HS3ST5: variants seen among roughly 807,000 people sequenced by gnomAD.
HS3ST5 encodes the protein heparan sulfate-glucosamine 3-sulfotransferase 5.
HS3ST5 carries 10 observed loss-of-function variants against 25.4 expected under a neutral mutation model. The ratio of observed to expected loss-of-function variants is 0.39; its 90% CI spans 0.24 to 0.67. The LOEUF is 0.67. HS3ST5 is among the 30% of genes least tolerant of loss of function. The pLI, the probability that HS3ST5 is intolerant of heterozygous loss-of-function variation, is 0.44. For missense variants in HS3ST5, 324 were observed against 420.7 expected, an observed-to-expected ratio of 0.77 and a Z score of 2.01; for synonymous variants, 170 against 162.4, an observed-to-expected ratio of 1.05 and a Z score of -0.36.
intron 2 of HS3ST5, among the ~76,000 whole-genome samples, chr6:114,215,493 C>T (rs1438929725): frequency 6.6e-6 from 1 of 152,114 alleles, no homozygotes; most frequent in African/African-American, 2.4e-5. Flanking sequence ...TATCCCCCTG[C>T]TGCCTGGATT....
chr6:114,279,150 A>T (rs13202175), intron 1 of HS3ST5, among the ~76,000 whole-genome samples: 53,773 of 151,576 alleles, frequency 0.35, 9,465 homozygotes, highest in East Asian at 0.4. Flanking sequence ...CGTATTTTTT[A>T]AAAAAAATCA....
chr6:114,335,128 G>A (rs1776555939), intron 1 of HS3ST5, among the ~76,000 whole-genome samples: 1 of 152,128 alleles, frequency 6.6e-6, no homozygotes, highest in African/African-American at 2.4e-5. Context: ...GATGGTGTGG[G>A]TGAGGATCAT....
At chr6:114,166,013 T>C (rs1182843394) in intron 3 of HS3ST5, among the ~76,000 whole-genome samples, 1 of 151,970 alleles carries the variant, frequency 6.6e-6, no homozygotes, top group Admixed American at 6.6e-5. Context: ...AGACCCCATC[T>C]CTAAAAAACT....
intron 3 of HS3ST5, among the ~76,000 whole-genome samples, chr6:114,113,091 T>C (rs1776345056): frequency 6.6e-6 from 1 of 152,162 alleles, no homozygotes; most frequent in Non-Finnish European, 1.5e-5. Context: ...AAGGCACTGG[T>C]AATTCCTGTT....
At chr6:114,214,468 T>C (rs902524780) in intron 2 of HS3ST5, among the ~76,000 whole-genome samples, 1 of 152,230 alleles carries the variant, frequency 6.6e-6, no homozygotes, top group African/African-American at 2.4e-5. Context: ...TATAATAGCC[T>C]TACATTTGGA....
intron 3 of HS3ST5, 37 bp from the exon 4 acceptor site, chr6:114,062,914 A>G (rs1449280364): frequency 1.6e-6 from 2 of 1,254,372 alleles, no homozygotes; most frequent in Non-Finnish European, 1.2e-6. Context: ...CATCTCTTAG[A>G]GGCTCTGTTG....
intron 3 of HS3ST5, among the ~76,000 whole-genome samples, chr6:114,106,342 C>CT (rs1775990422): frequency 6.6e-6 from 1 of 151,982 alleles, no homozygotes; most frequent in Non-Finnish European, 1.5e-5. Flanking sequence ...TTAAGAAATA[C>CT]TATTAACAAA....
intron 3 of HS3ST5, among the ~76,000 whole-genome samples, chr6:114,099,932 T>C (rs1217413142): frequency 6.6e-6 from 1 of 152,116 alleles, no homozygotes; most frequent in Non-Finnish European, 1.5e-5. Context: ...ATGAATAAGG[T>C]ACAGCTCAGG....
chr6:114,177,944 G>A (rs571519572), intron 2 of HS3ST5, among the ~76,000 whole-genome samples: 11 of 152,272 alleles, frequency 7.2e-5, no homozygotes, highest in Admixed American at 5.2e-4. Context: ...ATTCAAAACT[G>A]TGTTTAAACA....
At position 114,316,762 on chromosome 6, in the gene HS3ST5, C is replaced by T. The variant is rs75952872; in HGVS notation, c.-339+25433G>A. Among the ~76,000 whole-genome samples the T allele has an allele frequency of 8.4e-3, 1,278 of 152,238 alleles. 8 individuals carry two copies. The highest frequency in any genetic ancestry group is 0.013 in the Non-Finnish European group (901 of 68,004). ...TAGATGAACAAGTCAATTGAATCAACAGCACAAATTATTTTAAAGATTTTA... is the reference window on the plus strand; with the variant it reads ...TAGATGAACAAGTCAATTGAATCAATAGCACAAATTATTTTAAAGATTTTA... On this transcript the variant is annotated intron_variant, in intron 1 of 4. Transcript: ENST00000312719.
intron 3 of HS3ST5, among the ~76,000 whole-genome samples, chr6:114,067,539 T>C (rs1773526275): frequency 6.6e-6 from 1 of 152,146 alleles, no homozygotes; most frequent in Non-Finnish European, 1.5e-5. Context: ...TAAACCCAGT[T>C]ATTACTATAG....
intron 1 of HS3ST5, among the ~76,000 whole-genome samples, chr6:114,271,965 A>G (rs761652137): frequency 1.3e-5 from 2 of 152,136 alleles, no homozygotes; most frequent in African/African-American, 2.4e-5. Flanking sequence ...ATATTAGCAA[A>G]GCAGAAAAAT....
chr6:114,249,446 T>C (rs984984031), intron 1 of HS3ST5, among the ~76,000 whole-genome samples: 2 of 152,198 alleles, frequency 1.3e-5, no homozygotes, highest in African/African-American at 2.4e-5. Context: ...TACATAACTA[T>C]CATTCTACAC....
intron 4 of HS3ST5, among the ~76,000 whole-genome samples, chr6:114,060,292 G>A (rs558025193): frequency 5.9e-5 from 9 of 151,846 alleles, no homozygotes; most frequent in African/African-American, 9.7e-5. Flanking sequence ...GATTACAGGC[G>A]TGAGCTACTG....
intron 3 of HS3ST5, among the ~76,000 whole-genome samples, chr6:114,113,612 G>A (rs2114854824): frequency 6.6e-6 from 1 of 151,918 alleles, no homozygotes; most frequent in African/African-American, 2.4e-5. Context: ...CAAGCCTAAA[G>A]TTGATCTATT....
chr6:114,120,227 T>C (rs1421949851), intron 3 of HS3ST5, among the ~76,000 whole-genome samples: 2 of 152,114 alleles, frequency 1.3e-5, no homozygotes, highest in African/African-American at 4.8e-5. Flanking sequence ...CAGTAGCATT[T>C]ATTAAATATT....
intron 1 of HS3ST5, chr6:114,235,636 C>G (rs1318406872): frequency 1.3e-5 from 2 of 152,144 alleles, no homozygotes; most frequent in Admixed American, 1.3e-4. Context: ...TAAGAGGATG[C>G]ACCTCCAACA....
chr6:114,222,656 C>T (rs1220099291), intron 2 of HS3ST5, among the ~76,000 whole-genome samples: 1 of 151,806 alleles, frequency 6.6e-6, no homozygotes, highest in Non-Finnish European at 1.5e-5. Context: ...TATATATACC[C>T]TGCTCGTGAA....
chr6:114,153,775 T>A (rs896149758), intron 3 of HS3ST5, among the ~76,000 whole-genome samples: 1 of 152,218 alleles, frequency 6.6e-6, no homozygotes, highest in African/African-American at 2.4e-5. Flanking sequence ...TGGTGTCAGC[T>A]ATAGTCACCT....
Sources: gnomAD v4.1 joint callset for allele counts (sites outside exome capture counted in the v4.1 genomes callset) on GRCh38, gnomAD v4.1.1 for gene constraint, MANE v1.5 for transcripts, NCBI Gene and HGNC (gene_info 2026-07-23, HGNC 2026-07-21) for gene names.